Variants in ARHGAP10 observed in about 807,000 individuals in gnomAD.
ARHGAP10 encodes the protein Rho GTPase activating protein 10.
Under a neutral mutation model 108.6 loss-of-function variants are expected in ARHGAP10, and 87 were observed. That is an observed-to-expected ratio of 0.80 (90% CI 0.67 to 0.96). The LOEUF is 0.96. ARHGAP10 is among the 40% of genes least tolerant of loss of function. The pLI, the probability that ARHGAP10 is intolerant of heterozygous loss-of-function variation, is 0.00. For synonymous variants in ARHGAP10, 347 were observed against 341.1 expected, an observed-to-expected ratio of 1.02 and a Z score of -0.19; for missense variants, 939 against 954.5, an observed-to-expected ratio of 0.98 and a Z score of 0.21.
In ARHGAP10 at chr4:147,745,483, GTGTT is replaced by G. The variant is rs573154646; in HGVS notation, c.154+13050_154+13053del. On this transcript the variant is annotated intron_variant, in intron 1 of 22. Coordinates refer to ENST00000336498, the MANE Select transcript of ARHGAP10 (RefSeq NM_024605.4). ...TCAGGGGTCCATCTCAGAGCACAAA[GTGTT>G]TGTTTGTTTGTTTGTTTGTTTTGAG... 1,173 of 155,566 alleles carry G rather than the reference GTGTT, an allele frequency of 7.5e-3. 4 individuals are homozygous for G. The highest frequency in any genetic ancestry group is 0.016 in the Middle Eastern group (5 of 310). The allele number at this position is 155,566 out of a possible 1,614,324, so 9.6% of individuals were successfully genotyped here. A position where few individuals can be genotyped will look rare whatever the true frequency, so the allele number is the denominator to read the frequency against.
At chr4:147,754,950 C>T (rs1387711316) in intron 1 of ARHGAP10, among the ~76,000 whole-genome samples, 1 of 151,810 alleles carries the variant, frequency 6.6e-6, no homozygotes, top group African/African-American at 2.4e-5. Flanking sequence ...CAAAAATTAG[C>T]GGACGCCTAT....
chr4:147,848,545 G>A (rs974571231), intron 4 of ARHGAP10, among the ~76,000 whole-genome samples: 5 of 152,202 alleles, frequency 3.3e-5, no homozygotes, highest in African/African-American at 7.2e-5. Context: ...ATTTTGTTTT[G>A]ATTGTGTCTC....
intron 8 of ARHGAP10, among the ~76,000 whole-genome samples, chr4:147,876,790 C>T (rs1735082954): frequency 6.6e-6 from 1 of 152,122 alleles, no homozygotes; most frequent in Non-Finnish European, 1.5e-5. Context: ...ACTGTATACC[C>T]AGCACTGTGC....
rs138230584 is a variant in ARHGAP10 at position 148,004,914 on chromosome 4, G to A, written c.1717-18349G>A. On this transcript the variant is annotated intron_variant, in intron 18 of 22. Coordinates refer to ENST00000336498, the MANE Select transcript of ARHGAP10 (RefSeq NM_024605.4). ...GAGTCAGAAAATATAATAAGAGTAA[G>A]CATTTTGTTTTCAGCTGCTGAGATT... Among the ~76,000 whole-genome samples the A allele has an allele frequency of 5.1e-3, 771 of 152,260 alleles. 5 individuals carry two copies. The highest frequency in any genetic ancestry group is 0.028 in the South Asian group (135 of 4,822).
At chr4:147,813,347 C>G (rs971717563) in intron 1 of ARHGAP10, among the ~76,000 whole-genome samples, 1 of 152,210 alleles carries the variant, frequency 6.6e-6, no homozygotes, top group Non-Finnish European at 1.5e-5. Flanking sequence ...GGACTGTGTC[C>G]TCCCTCTTCT....
At chr4:147,830,880 A>G (rs1732931134) in intron 3 of ARHGAP10, among the ~76,000 whole-genome samples, 1 of 152,242 alleles carries the variant, frequency 6.6e-6, no homozygotes, top group African/African-American at 2.4e-5. Flanking sequence ...TCAGAGTATT[A>G]CTAAAAGAAT....
At chr4:147,837,404 A>G (rs552061045) in intron 3 of ARHGAP10, among the ~76,000 whole-genome samples, 15 of 152,334 alleles carry the variant, frequency 9.8e-5, no homozygotes, top group African/African-American at 2.6e-4. Flanking sequence ...TAGTTTGAAC[A>G]TAAAGGAAAT....
In ARHGAP10 at chr4:147,767,587, T is replaced by C. The variant is rs186852014; in HGVS notation, c.154+35132T>C. On this transcript the variant is annotated intron_variant, in intron 1 of 22. Transcript: ENST00000336498. The stretch of plus-strand genomic sequence containing the variant: ...CGTCTTGAAAATCTAGGCATAAGTG[T>C]GCACCTGTAGTCCCAGTTACTTGGG... 4.3e-4 allele frequency among the ~76,000 whole-genome samples: 65 copies of C among 152,226 alleles called. 1 individual carries two copies. Among genetic ancestry groups the C allele is most frequent in the Middle Eastern group, 3.4e-3 (1 of 292 alleles).
chr4:147,743,623 T>C (rs1306255032), intron 1 of ARHGAP10, among the ~76,000 whole-genome samples: 1 of 151,786 alleles, frequency 6.6e-6, no homozygotes, highest in Non-Finnish European at 1.5e-5. Flanking sequence ...ACTAAAAATA[T>C]AAAATTAACT....
chr4:148,047,996 T>C (rs1198651732), intron 20 of ARHGAP10, among the ~76,000 whole-genome samples: 6 of 152,044 alleles, frequency 3.9e-5, no homozygotes, highest in Admixed American at 1.3e-4. Flanking sequence ...CTAATTTTTA[T>C]AGTTTTAGTA....
At chr4:147,801,712 C>T (rs994569190) in intron 1 of ARHGAP10, among the ~76,000 whole-genome samples, 2 of 152,166 alleles carry the variant, frequency 1.3e-5, no homozygotes, top group Middle Eastern at 3.2e-3. Context: ...ACCACCCAAG[C>T]GAATTAATCT....
chr4:148,070,102 TTA>T (rs1730098372), intron 22 of ARHGAP10, among the ~76,000 whole-genome samples: 1 of 152,184 alleles, frequency 6.6e-6, no homozygotes, highest in South Asian at 2.1e-4. Context: ...GGGTCTCATG[TTA>T]TATGTGTTAC....
intron 1 of ARHGAP10, among the ~76,000 whole-genome samples, chr4:147,749,840 G>A (rs1293663210): frequency 2.0e-5 from 3 of 152,154 alleles, no homozygotes; most frequent in Non-Finnish European, 4.4e-5. Context: ...TTTTAGAATC[G>A]ACTGTTGTGG....
At chr4:148,029,889 GC>G (rs1728058065) in intron 19 of ARHGAP10, among the ~76,000 whole-genome samples, 1 of 152,148 alleles carries the variant, frequency 6.6e-6, no homozygotes, top group Admixed American at 6.5e-5. Context: ...GGAAAAGGCA[GC>G]CAGAAGATTC....
At chr4:147,774,661 G>A (rs2126722270) in intron 1 of ARHGAP10, among the ~76,000 whole-genome samples, 2 of 152,312 alleles carry the variant, frequency 1.3e-5, no homozygotes, top group South Asian at 4.1e-4. Flanking sequence ...CTTCTTGTGT[G>A]TTGTGGAAGA....
intron 1 of ARHGAP10, among the ~76,000 whole-genome samples, chr4:147,779,403 A>G (rs1730436355): frequency 6.6e-6 from 1 of 152,116 alleles, no homozygotes; most frequent in Non-Finnish European, 1.5e-5. Flanking sequence ...GAAGCCATTG[A>G]CAAATTTTGA....
chr4:148,002,084 T>G (rs1195232356), intron 18 of ARHGAP10, among the ~76,000 whole-genome samples: 1 of 152,228 alleles, frequency 6.6e-6, no homozygotes, highest in Non-Finnish European at 1.5e-5. Context: ...TTGAGATACA[T>G]CCCATGAATA....
At chr4:147,942,730 G>A (rs758315443) in intron 14 of ARHGAP10, among the ~76,000 whole-genome samples, 4 of 152,206 alleles carry the variant, frequency 2.6e-5, no homozygotes, top group Admixed American at 2.6e-4. Context: ...TATTCTCCTC[G>A]AGGCCAGGTA....
At chr4:147,963,493 C>T (rs1209312598) in intron 16 of ARHGAP10, among the ~76,000 whole-genome samples, 2 of 152,174 alleles carry the variant, frequency 1.3e-5, no homozygotes, top group East Asian at 1.9e-4. Flanking sequence ...AAATCTTCAA[C>T]AACAAACATT....
Sources: gnomAD v4.1 joint callset for allele counts (sites outside exome capture counted in the v4.1 genomes callset) on GRCh38, gnomAD v4.1.1 for gene constraint, MANE v1.5 for transcripts, NCBI Gene and HGNC (gene_info 2026-07-23, HGNC 2026-07-21) for gene names.